Variants in TRAPPC10 observed in about 807,000 individuals in gnomAD.
The protein encoded by TRAPPC10 is trafficking protein particle complex subunit 10.
TRAPPC10 carries 23 observed loss-of-function variants against 125.5 expected under a neutral mutation model. The ratio of observed to expected loss-of-function variants is 0.18; its 90% CI spans 0.13 to 0.26. TRAPPC10 has a LOEUF of 0.26. TRAPPC10 is among the 10% of genes least tolerant of loss of function. The pLI is 1.00. For missense variants in TRAPPC10, 1,123 were observed against 1,308.4 expected (o/e 0.86, Z 2.19); for synonymous variants, 509 against 518.0 (o/e 0.98, Z 0.24).
chr21:44,048,109 G>T (rs890309556), intron 3 of TRAPPC10, among the ~76,000 whole-genome samples: 1 of 152,170 alleles, frequency 6.6e-6, no homozygotes. Context: ...GCCTCTGATC[G>T]TGTCTGCGGG....
At chr21:44,053,317 G>T (rs1331106609) in intron 4 of TRAPPC10, among the ~76,000 whole-genome samples, 1 of 152,092 alleles carries the variant, frequency 6.6e-6, no homozygotes, top group Non-Finnish European at 1.5e-5. Flanking sequence ...TAATACGTGT[G>T]TGTATTTTAA....
intron 3 of TRAPPC10, 32 bp downstream of exon 3, chr21:44,037,959 T>TGGGATGGG (rs2034110861): frequency 6.2e-7 from 1 of 1,607,758 alleles, no homozygotes; most frequent in South Asian, 1.1e-5. Flanking sequence ...GGATGCGCGG[T>TGGGATGGG]GGGATGGGGT....
In TRAPPC10 at chr21:44,042,490, A is replaced by G. The variant is rs1393853289; in HGVS notation, c.285+4563A>G. 2.0e-5 allele frequency among the ~76,000 whole-genome samples: 3 copies of G among 152,154 alleles called. No homozygotes were observed. In the East Asian group the frequency reaches 5.8e-4, roughly 29 times the overall value. On this transcript the variant is annotated intron_variant, in intron 3 of 22. Coordinates refer to ENST00000291574, the MANE Select transcript of TRAPPC10 (RefSeq NM_003274.5). The stretch of plus-strand genomic sequence containing the variant: ...ATTGCATTGTGTTCAGAAAGTGTTT[A>G]TATTTTTGCTTTATGAAACTTATTT...
chr21:44,081,017 CTTTTTTT>C (rs67865929), intron 13 of TRAPPC10, among the ~76,000 whole-genome samples: 39 of 97,226 alleles, frequency 4.0e-4, no homozygotes, highest in East Asian at 6.0e-4. Context: ...TTTTTTTTTT[CTTTTTTT>C]TTTTTTTTTT....
intron 8 of TRAPPC10, 36 bp downstream of exon 8, chr21:44,074,506 T>C: frequency 1.2e-6 from 2 of 1,613,116 alleles, no homozygotes; most frequent in Non-Finnish European, 1.7e-6. Context: ...GCTCACGTTG[T>C]CTCTGCGGCC....
chr21:44,088,075 C>G (rs1047134977), intron 17 of TRAPPC10, 147 bp downstream of exon 17: 8 of 692,122 alleles, frequency 1.2e-5, no homozygotes, highest in South Asian at 3.7e-5. Context: ...TTCTGTCTGT[C>G]TGTGAATCAC....
At chr21:44,079,766 C>G in intron 12 of TRAPPC10, 62 bp downstream of exon 12, 6 of 1,531,736 alleles carry the variant, frequency 3.9e-6, no homozygotes, top group Non-Finnish European at 5.3e-6. Flanking sequence ...CAACATTGCC[C>G]ACAATCAATG....
chr21:44,089,660 T>C (rs1040218320), intron 17 of TRAPPC10, 173 bp from the exon 18 acceptor site: 4 of 620,840 alleles, frequency 6.4e-6, no homozygotes, highest in South Asian at 4.7e-5. Context: ...CTGTTTCTCG[T>C]TGGTTTGTGT....
chr21:44,025,033 G>A (rs931363618), intron 1 of TRAPPC10, among the ~76,000 whole-genome samples: 1 of 152,194 alleles, frequency 6.6e-6, no homozygotes, highest in Non-Finnish European at 1.5e-5. Context: ...GATATTCCGT[G>A]GTTTATTCTG....
rs757762103 is a variant in TRAPPC10 at position 44,089,837 on chromosome 21, C to T, written c.2774C>T (p.Ser925Leu). ...GTCTTTGTGCTTCCTCCTCAGGTGT[C>T]GATTGACTGCCCGTGGTCCATCTAC... is the stretch of plus-strand genomic sequence containing the variant. ...RCMVTTDHKV[S>L]IDCPWSIYST... Residue 925 changes from serine to leucine, a missense_variant, in exon 18 of 23, where the codon TCG becomes TTG. Physicochemically the swap from Ser to Leu is moderately radical, Grantham distance 145. This residue lies in a region of TRAPPC10 where 840 missense variants were observed against 902.0 expected (regional missense o/e 0.93). Coordinates refer to ENST00000291574, the MANE Select transcript of TRAPPC10 (RefSeq NM_003274.5). The T allele has an allele frequency of 2.5e-6, 4 of 1,613,364 alleles. No homozygotes were observed. Among genetic ancestry groups the T allele is most frequent in the East Asian group, 2.2e-5 (1 of 44,866 alleles).
At chr21:44,040,040 A>G (rs1193181260) in intron 3 of TRAPPC10, among the ~76,000 whole-genome samples, 1 of 152,228 alleles carries the variant, frequency 6.6e-6, no homozygotes, top group Non-Finnish European at 1.5e-5. Flanking sequence ...CGCCACAACT[A>G]GGAGCAGACC....
chr21:44,087,824 C>T lies in TRAPPC10; in HGVS notation c.2665C>T (p.Pro889Ser). 6.2e-7 allele frequency: 1 copy of T among 1,614,204 alleles called. No homozygotes were observed. Among genetic ancestry groups the T allele is most frequent in the Non-Finnish European group, 8.5e-7 (1 of 1,180,048 alleles). The change falls in exon 17 of 23, where the codon CCA (proline) becomes TCA (serine). Residue 889 changes from proline (P) to serine (S), a missense_variant. Pro to Ser is a moderately conservative substitution (Grantham distance 74). Transcript: ENST00000291574. This position sits in a 1 kb window ranked among gnomAD's most constrained non-coding sequence, Gnocchi z 4.6. ...GGAAGTTCTCTCTTTACCTTCAGCC[C>T]CAGCACTCGGAGGGGAGAGTGACAT... ...ELEVLSLPSA[P>S]ALGGESDMLG... is the part of the protein sequence containing the mutation.
chr21:44,018,043 T>G (rs2032069305), intron 1 of TRAPPC10, among the ~76,000 whole-genome samples: 1 of 152,146 alleles, frequency 6.6e-6, no homozygotes, highest in Non-Finnish European at 1.5e-5. Context: ...TTGAAAAGCT[T>G]CCTTTCTTTT....
In TRAPPC10 at chr21:44,059,949, T is replaced by A. The variant is rs2035909603; in HGVS notation, c.790+735T>A. 6.3e-6 allele frequency: 1 copy of A among 159,852 alleles called. No homozygotes were observed. The highest frequency in any genetic ancestry group is 1.9e-4 in the South Asian group (1 of 5,250). 9.9% of individuals were successfully genotyped at this position (159,852 alleles called of 1,614,324 possible). A position where few individuals can be genotyped will look rare whatever the true frequency, so the allele number is the denominator to read the frequency against. ...TGCTTCTTGCCACCACAAGCAGTGCTGTAGTGGGCATCTCTGCCAGGTGTT... is the reference window on the plus strand; with the variant it reads ...TGCTTCTTGCCACCACAAGCAGTGCAGTAGTGGGCATCTCTGCCAGGTGTT... On this transcript the variant is annotated intron_variant, in intron 6 of 22. Transcript: ENST00000291574. This position sits in a 1 kb window ranked among gnomAD's most constrained non-coding sequence, Gnocchi z 4.4.
intron 3 of TRAPPC10, among the ~76,000 whole-genome samples, chr21:44,039,042 C>T (rs1488427789): frequency 6.6e-6 from 1 of 152,234 alleles, no homozygotes; most frequent in African/African-American, 2.4e-5. Flanking sequence ...CCCCATAACA[C>T]CTGGTTGTAA....
At chr21:44,014,284 C>T (rs1395787106) in intron 1 of TRAPPC10, among the ~76,000 whole-genome samples, 1 of 151,992 alleles carries the variant, frequency 6.6e-6, no homozygotes, top group Non-Finnish European at 1.5e-5. Flanking sequence ...TACATGCGTG[C>T]ATCACGGACA....
In TRAPPC10 at chr21:44,094,050, A is replaced by G; in HGVS notation, c.2998-13A>G. On this transcript the variant is annotated splice_polypyrimidine_tract_variant and intron_variant, in intron 19 of 22. Transcript: ENST00000291574. ...GGTGCTGTGTGAGCAGTGACCCCCA[A>G]CTCTCTTTCCAGCCCATCTACAGCA... The G allele has an allele frequency of 6.2e-7, 1 of 1,610,028 alleles. No individual in the cohort carries two copies.
chr21:44,066,945 C>G (rs558777988), intron 7 of TRAPPC10, among the ~76,000 whole-genome samples: 1 of 152,278 alleles, frequency 6.6e-6, no homozygotes, highest in South Asian at 2.1e-4. Context: ...TATATTTTGT[C>G]GCCAAATTAG....
At chr21:44,037,621 T>C (rs1169931924) in intron 2 of TRAPPC10, among the ~76,000 whole-genome samples, 171 bp from the exon 3 acceptor site, 3 of 152,186 alleles carry the variant, frequency 2.0e-5, no homozygotes, top group Non-Finnish European at 4.4e-5. Context: ...GTGAACTGTG[T>C]TTAAAATAAT....
Sources: allele counts gnomAD v4.1 joint callset (sites outside exome capture counted in the v4.1 genomes callset), GRCh38; gene constraint gnomAD v4.1.1; regional missense constraint gnomAD v4.1.1; non-coding constraint Gnocchi (gnomAD v3.1); transcripts MANE v1.5; gene names NCBI Gene and HGNC (gene_info 2026-07-23, HGNC 2026-07-21).